Variants in PRKCB observed in about 807,000 individuals in gnomAD.
The protein encoded by PRKCB is protein kinase C beta type.
In PRKCB, 13 loss-of-function variants were observed where a neutral mutation model predicts 81.5. That is an observed-to-expected ratio of 0.16 (90% confidence interval 0.10 to 0.25). PRKCB has a LOEUF of 0.25. Among genes scored for constraint, PRKCB ranks in the 10% least tolerant of loss-of-function variants. PRKCB has a pLI of 1.00. For synonymous variants in PRKCB, 335 were observed against 321.4 expected (o/e 1.04, Z -0.45); for missense variants, 509 against 875.7 (o/e 0.58, Z 5.29).
chr16:23,981,588 T>TTC (rs1567333321), intron 2 of PRKCB, among the ~76,000 whole-genome samples: 10 of 56,918 alleles, frequency 1.8e-4, no homozygotes, highest in African/African-American at 5.4e-4. Flanking sequence ...TCCTTTCCTT[T>TTC]CCTTCCCTTC....
chr16:24,215,765 A>T lies in PRKCB; in HGVS notation c.*949A>T. Reference sequence around the variant, plus strand: ...GATTTAACCAAGAAGACGGCTGCGGAGCCTAGCAGACTCAGGCCTGTGGGA... The same window carrying T: ...GATTTAACCAAGAAGACGGCTGCGGTGCCTAGCAGACTCAGGCCTGTGGGA... On this transcript the variant is annotated 3_prime_UTR_variant, in exon 17 of 17. Transcript: ENST00000643927. The T allele has an allele frequency of 1.0e-6, 1 of 985,874 alleles. No homozygotes were observed. Among genetic ancestry groups the T allele is most frequent in the Non-Finnish European group, 1.2e-6 (1 of 829,936 alleles). 61.1% of individuals were successfully genotyped at this position (985,874 alleles called of 1,614,324 possible). A position where few individuals can be genotyped will look rare whatever the true frequency, so the allele number is the denominator to read the frequency against.
intron 7 of PRKCB, among the ~76,000 whole-genome samples, chr16:24,101,720 A>C (rs1966510549): frequency 6.6e-6 from 1 of 152,188 alleles, no homozygotes; most frequent in South Asian, 2.1e-4. Context: ...TATTTCTCTT[A>C]CTGTCATAAT....
chr16:24,165,545 A>G (rs1370150352), intron 10 of PRKCB, among the ~76,000 whole-genome samples: 1 of 152,206 alleles, frequency 6.6e-6, no homozygotes, highest in Non-Finnish European at 1.5e-5. Flanking sequence ...ATTGCCTCTG[A>G]CAATATTTTC....
intron 15 of PRKCB, among the ~76,000 whole-genome samples, chr16:24,188,259 C>T (rs1967735220): frequency 6.6e-6 from 1 of 152,184 alleles, no homozygotes; most frequent in Admixed American, 6.5e-5. Flanking sequence ...GCTCTTCCTT[C>T]AAGGAGGGTA....
intron 9 of PRKCB, among the ~76,000 whole-genome samples, chr16:24,144,830 G>T (rs1166091710): frequency 1.3e-5 from 2 of 152,210 alleles, no homozygotes; most frequent in East Asian, 3.9e-4. Flanking sequence ...TTCATTCATT[G>T]ATTCAACGGA....
At chr16:23,983,722 A>AT (rs879295829) in intron 2 of PRKCB, among the ~76,000 whole-genome samples, 118 of 147,698 alleles carry the variant, frequency 8.0e-4, no homozygotes, top group East Asian at 2.8e-3. Flanking sequence ...ATAATAATTG[A>AT]TTTTTTTTTT....
At chr16:24,047,944 A>C (rs1965789080) in intron 5 of PRKCB, among the ~76,000 whole-genome samples, 1 of 152,210 alleles carries the variant, frequency 6.6e-6, no homozygotes. Flanking sequence ...TGGAGAAGGC[A>C]GGAGAGGCAT....
chr16:24,104,504 A>C (rs11861300), intron 7 of PRKCB, among the ~76,000 whole-genome samples: 52 of 152,234 alleles, frequency 3.4e-4, no homozygotes, highest in African/African-American at 1.2e-3. Flanking sequence ...ATAAGTAATA[A>C]AACATGGCAT....
chr16:23,861,180 T>A (rs1962657782), intron 2 of PRKCB, among the ~76,000 whole-genome samples: 1 of 152,012 alleles, frequency 6.6e-6, no homozygotes, highest in Non-Finnish European at 1.5e-5. Context: ...GTTCTTTTTT[T>A]TTTTTTGAGA....
At chr16:24,136,599 G>A (rs1367941305) in intron 9 of PRKCB, among the ~76,000 whole-genome samples, 1 of 152,126 alleles carries the variant, frequency 6.6e-6, no homozygotes, top group Non-Finnish European at 1.5e-5. Flanking sequence ...AAGTCTCCAT[G>A]TCTAATTCTC....
chr16:24,044,800 G>T (rs886807439), intron 5 of PRKCB, among the ~76,000 whole-genome samples: 1 of 152,196 alleles, frequency 6.6e-6, no homozygotes, highest in Non-Finnish European at 1.5e-5. Context: ...AAAACATTTG[G>T]CAGTCCTTGA....
intron 10 of PRKCB, among the ~76,000 whole-genome samples, chr16:24,157,605 C>G (rs1283663056): frequency 6.7e-6 from 1 of 149,962 alleles, no homozygotes; most frequent in Non-Finnish European, 1.5e-5. Flanking sequence ...TCAGGTATGT[C>G]TAATGGACTA....
chr16:23,937,896 GT>G (rs1964084609), intron 2 of PRKCB, among the ~76,000 whole-genome samples: 1 of 152,200 alleles, frequency 6.6e-6, no homozygotes, highest in African/African-American at 2.4e-5. Flanking sequence ...TGAACGTTCA[GT>G]TGTGTGGCTG....
chr16:24,111,114 C>G (rs1197621462), intron 7 of PRKCB: 1 of 152,174 alleles, frequency 6.6e-6, no homozygotes, highest in Non-Finnish European at 1.5e-5. Flanking sequence ...GCACCCTTCT[C>G]GATTTCCAGC....
intron 2 of PRKCB, among the ~76,000 whole-genome samples, chr16:23,908,038 C>T (rs1307859827): frequency 6.6e-6 from 1 of 152,006 alleles, no homozygotes; most frequent in African/African-American, 2.4e-5. Flanking sequence ...AGATTTGGGG[C>T]AGCAGGTGGG....
chr16:24,139,304 T>C (rs1966879195), intron 9 of PRKCB, among the ~76,000 whole-genome samples: 1 of 152,236 alleles, frequency 6.6e-6, no homozygotes, highest in Non-Finnish European at 1.5e-5. Flanking sequence ...TCTACTGGTA[T>C]CAACAATTAG....
Position 24,144,391 on chromosome 16 carries a change from C to T in PRKCB, c.1066-10293C>T, listed in dbSNP as rs370564701. Among the ~76,000 whole-genome samples the T allele has an allele frequency of 3.6e-3, 541 of 152,264 alleles. 3 individuals carry two copies. The highest frequency in any genetic ancestry group is 5.8e-3 in the Non-Finnish European group (392 of 68,016). On this transcript the variant is annotated intron_variant, in intron 9 of 16. Transcript: ENST00000643927. Reference sequence around the variant, plus strand: ...TCGGCTCACTGCAACCTCCACCTCTCGGGTTCAAGTGATACTCCTGCCTCA... The same window carrying T: ...TCGGCTCACTGCAACCTCCACCTCTTGGGTTCAAGTGATACTCCTGCCTCA...
intron 2 of PRKCB, among the ~76,000 whole-genome samples, chr16:23,919,787 G>A (rs1963797759): frequency 6.6e-6 from 1 of 152,158 alleles, no homozygotes. Context: ...TTCTTTCTTT[G>A]TGTAACGTTA....
intron 3 of PRKCB, among the ~76,000 whole-genome samples, chr16:24,020,314 A>C (rs1383391940): frequency 6.6e-6 from 1 of 152,238 alleles, no homozygotes; most frequent in East Asian, 1.9e-4. Flanking sequence ...GCAGTACTGA[A>C]TTGAAGAAAA....
Sources: allele counts gnomAD v4.1 joint callset (sites outside exome capture counted in the v4.1 genomes callset), GRCh38; gene constraint gnomAD v4.1.1; transcripts MANE v1.5; gene names NCBI Gene and HGNC (gene_info 2026-07-23, HGNC 2026-07-21).